Variants in FOXN3 observed in about 807,000 individuals in gnomAD.
FOXN3 encodes the protein forkhead box protein N3.
Under a neutral mutation model 38.4 loss-of-function variants are expected in FOXN3, and 7 were observed. That is an observed-to-expected ratio of 0.18 (90% CI 0.10 to 0.34). The LOEUF is 0.34. FOXN3 is among the 10% of genes least tolerant of loss of function. The probability of loss-of-function intolerance (pLI) is 1.00; values close to 1 mark genes in which losing one functional copy is unlikely to be tolerated. For synonymous variants in FOXN3, 230 were observed against 242.2 expected (o/e 0.95, Z 0.47); for missense variants, 456 against 613.4 (o/e 0.74, Z 2.71).
At chr14:89,222,060 C>T (rs1056772194) in intron 4 of FOXN3, among the ~76,000 whole-genome samples, 1 of 152,226 alleles carries the variant, frequency 6.6e-6, no homozygotes, top group South Asian at 2.1e-4. Flanking sequence ...TCGTGATCTG[C>T]CCGCCTCGGC....
intron 1 of FOXN3, among the ~76,000 whole-genome samples, chr14:89,458,196 A>C (rs1331694302): frequency 6.6e-6 from 1 of 152,196 alleles, no homozygotes; most frequent in Non-Finnish European, 1.5e-5. Context: ...TTCTCCACCC[A>C]GGCCCTCTAA....
intron 2 of FOXN3, among the ~76,000 whole-genome samples, chr14:89,356,045 GA>G (rs552244272): frequency 8.9e-6 from 1 of 112,014 alleles, no homozygotes; most frequent in African/African-American, 3.4e-5. Flanking sequence ...GGTATGAAAA[GA>G]AAAAAAAAGA....
In FOXN3 at chr14:89,494,452, G is replaced by A. The variant is rs61568151; in HGVS notation, c.-14-81962C>T. On this transcript the variant is annotated intron_variant, in intron 1 of 6. Coordinates refer to the FOXN3 transcript ENST00000345097. ...AGCCGTGGTACCAACCTAGCCTGCC[G>A]GCTGGGCTGTCTGCTTAAGGTGGTG... 8.0e-3 allele frequency among the ~76,000 whole-genome samples: 1,214 copies of A among 152,280 alleles called. 10 individuals are homozygous for A. The highest frequency in any genetic ancestry group is 0.028 in the African/African-American group (1,146 of 41,564).
In FOXN3 at chr14:89,367,017, C is replaced by T. The variant is rs74828383; in HGVS notation, c.544-16209G>A. 6.3e-3 allele frequency among the ~76,000 whole-genome samples: 957 copies of T among 152,288 alleles called. 7 individuals carry two copies. The highest frequency in any genetic ancestry group is 0.022 in the African/African-American group (909 of 41,552). On this transcript the variant is annotated intron_variant, in intron 2 of 5. Coordinates refer to ENST00000557258, the MANE Select transcript of FOXN3 (RefSeq NM_005197.4). The stretch of plus-strand genomic sequence containing the variant: ...AGGTAACAGTGACAGGGTGTGTGTA[C>T]TAAGCCAGAGAGCTTCAGTTATGAT...
At chr14:89,286,314 T>A (rs558811426) in intron 3 of FOXN3, among the ~76,000 whole-genome samples, 1 of 152,124 alleles carries the variant, frequency 6.6e-6, no homozygotes, top group East Asian at 1.9e-4. Flanking sequence ...AATATCTGAA[T>A]GTCCCCCATG....
intron 1 of FOXN3, among the ~76,000 whole-genome samples, chr14:89,447,370 A>G (rs1012602115): frequency 6.6e-6 from 1 of 152,104 alleles, no homozygotes; most frequent in African/African-American, 2.4e-5. Context: ...CTCCACAGAG[A>G]TGAGTATGTG....
intron 2 of FOXN3, chr14:89,400,290 G>A (rs1485181673): frequency 6.6e-6 from 1 of 152,156 alleles, no homozygotes; most frequent in Non-Finnish European, 1.5e-5. Flanking sequence ...CTGAAATAGA[G>A]GTTTGATTTC....
At chr14:89,345,489 A>T (rs1051608557) in intron 3 of FOXN3, among the ~76,000 whole-genome samples, 1 of 151,976 alleles carries the variant, frequency 6.6e-6, no homozygotes, top group African/African-American at 2.4e-5. Flanking sequence ...GTATACTACT[A>T]TTTTTTTATT....
intron 2 of FOXN3, among the ~76,000 whole-genome samples, chr14:89,395,081 C>T (rs1891066880): frequency 6.6e-6 from 1 of 152,242 alleles, no homozygotes; most frequent in Non-Finnish European, 1.5e-5. Context: ...GTTATGTAAG[C>T]TGCCACATCT....
intron 3 of FOXN3, among the ~76,000 whole-genome samples, chr14:89,294,708 A>G (rs553696630): frequency 6.6e-6 from 1 of 152,288 alleles, no homozygotes; most frequent in South Asian, 2.1e-4. Flanking sequence ...GCACCATGAC[A>G]GTTTACAAAT....
chr14:89,347,334 G>C (rs1888790995), intron 3 of FOXN3, among the ~76,000 whole-genome samples: 1 of 152,206 alleles, frequency 6.6e-6, no homozygotes, highest in African/African-American at 2.4e-5. Context: ...TGAAGGTGAA[G>C]GCAGAAATCA....
intron 1 of FOXN3, among the ~76,000 whole-genome samples, chr14:89,462,982 C>A (rs184297544): frequency 6.6e-6 from 1 of 151,688 alleles, no homozygotes; most frequent in Admixed American, 6.5e-5. Flanking sequence ...TCGCACCCAG[C>A]CCTCTCTTCC....
intron 1 of FOXN3, among the ~76,000 whole-genome samples, chr14:89,563,686 G>C (rs1895293605): frequency 6.6e-6 from 1 of 152,108 alleles, no homozygotes; most frequent in Admixed American, 6.5e-5. Context: ...AGTATGGAAG[G>C]GGCAGGTGTG....
At chr14:89,481,606 G>C (rs2139760975) in intron 1 of FOXN3, among the ~76,000 whole-genome samples, 1 of 152,258 alleles carries the variant, frequency 6.6e-6, no homozygotes, top group Non-Finnish European at 1.5e-5. Flanking sequence ...CCAATAGTCA[G>C]GTTCAAATCG....
intron 2 of FOXN3, among the ~76,000 whole-genome samples, chr14:89,381,253 T>C (rs1890638520): frequency 6.6e-6 from 1 of 151,822 alleles, no homozygotes; most frequent in African/African-American, 2.4e-5. Context: ...TCTTCAGATA[T>C]TATTGACAAA....
chr14:89,264,592 G>A (rs1885913331), intron 4 of FOXN3, among the ~76,000 whole-genome samples: 1 of 152,094 alleles, frequency 6.6e-6, no homozygotes, highest in African/African-American at 2.4e-5. Flanking sequence ...GTCCTTGGCT[G>A]GGGCAACATA....
chr14:89,497,779 T>C (rs115106154), intron 1 of FOXN3, among the ~76,000 whole-genome samples: 4,083 of 152,228 alleles, frequency 0.027, 197 homozygotes, highest in African/African-American at 0.092. Flanking sequence ...CTGGATCATA[T>C]GGTAATTTTA....
intron 1 of FOXN3, among the ~76,000 whole-genome samples, chr14:89,414,846 T>C (rs1891651858): frequency 6.6e-6 from 1 of 152,154 alleles, no homozygotes; most frequent in Non-Finnish European, 1.5e-5. Flanking sequence ...CCACCGCGCC[T>C]GGCCAAGATG....
At chr14:89,231,506 G>A (rs1056394781) in intron 4 of FOXN3, among the ~76,000 whole-genome samples, 6 of 152,034 alleles carry the variant, frequency 3.9e-5, no homozygotes, top group Non-Finnish European at 5.9e-5. Flanking sequence ...CAGGGGTCTC[G>A]GTCCACTATG....
Sources: allele counts gnomAD v4.1 joint callset (sites outside exome capture counted in the v4.1 genomes callset), GRCh38; gene constraint gnomAD v4.1.1; transcripts MANE v1.5; gene names NCBI Gene and HGNC (gene_info 2026-07-23, HGNC 2026-07-21).